SUPT3H: variants seen among roughly 807,000 people sequenced by gnomAD.
SUPT3H encodes SPT3 homolog, SAGA and STAGA complex component.
SUPT3H carries 44 observed loss-of-function variants against 44.3 expected under a neutral mutation model. That is an observed-to-expected ratio of 0.99 (90% CI 0.78 to 1.28). The LOEUF (loss-of-function observed/expected upper bound fraction) is 1.28, where lower values mean the gene tolerates loss of function less well. Ranked by LOEUF, SUPT3H falls within the 50% of genes most tolerant of loss-of-function variation. SUPT3H has a pLI of 0.00. For synonymous variants in SUPT3H, 124 were observed against 125.6 expected (o/e 0.99, Z 0.09); for missense variants, 380 against 387.1 (o/e 0.98, Z 0.15).
At chr6:45,026,815 C>A (rs1786080312) in intron 3 of SUPT3H, among the ~76,000 whole-genome samples, 1 of 152,038 alleles carries the variant, frequency 6.6e-6, no homozygotes, top group Non-Finnish European at 1.5e-5. Flanking sequence ...CATCTCTCCT[C>A]TTGACTTTAC....
chr6:45,265,527 T>G (rs895396760), intron 2 of SUPT3H, among the ~76,000 whole-genome samples: 1 of 152,108 alleles, frequency 6.6e-6, no homozygotes, highest in African/African-American at 2.4e-5. Flanking sequence ...AATCACAACC[T>G]TGAGCTAAGC....
At chr6:44,882,306 A>C (rs1778373111) in intron 10 of SUPT3H, among the ~76,000 whole-genome samples, 1 of 152,212 alleles carries the variant, frequency 6.6e-6, no homozygotes, top group Non-Finnish European at 1.5e-5. Flanking sequence ...AAATTGCTGG[A>C]CACATACACC....
chr6:45,204,710 T>A (rs575518934), intron 2 of SUPT3H, among the ~76,000 whole-genome samples: 19 of 152,268 alleles, frequency 1.2e-4, no homozygotes, highest in Middle Eastern at 3.4e-3. Flanking sequence ...TCAAATACAA[T>A]CCTTTCCTGG....
At chr6:44,960,920 CCT>C in intron 7 of SUPT3H, among the ~76,000 whole-genome samples, 1 of 152,102 alleles carries the variant, frequency 6.6e-6, no homozygotes, top group East Asian at 1.9e-4. Flanking sequence ...TGAAGCTCTC[CCT>C]TTCTTTTTCC....
At chr6:45,070,758 A>AAG (rs1794258247) in intron 3 of SUPT3H, among the ~76,000 whole-genome samples, 2 of 151,392 alleles carry the variant, frequency 1.3e-5, no homozygotes, top group South Asian at 4.2e-4. Context: ...AAAAAAAAAA[A>AAG]AGAAATGCTT....
intron 3 of SUPT3H, among the ~76,000 whole-genome samples, chr6:45,065,153 A>T (rs2153546316): frequency 6.6e-6 from 1 of 152,088 alleles, no homozygotes; most frequent in East Asian, 1.9e-4. Context: ...AGGATTAAGA[A>T]TCTCACTCAA....
Position 45,282,177 on chromosome 6 carries a change from G to C in SUPT3H, c.101+83024C>G, listed in dbSNP as rs1415710510. Among the ~76,000 whole-genome samples, 3 of 152,188 alleles carry C rather than the reference G, an allele frequency of 2.0e-5. No homozygotes were observed. The East Asian group carries it at 5.8e-4, about 29-fold the overall frequency. On this transcript the variant is annotated intron_variant, in intron 2 of 10. Coordinates refer to ENST00000371459, the MANE Select transcript of SUPT3H (RefSeq NM_003599.4). ...AAAACTGGAAATTCTAAAAATCAGAGCACCTCTCCTCCTCTAAAGGAACGC... is the reference window on the plus strand; with the variant it reads ...AAAACTGGAAATTCTAAAAATCAGACCACCTCTCCTCCTCTAAAGGAACGC...
At chr6:44,993,053 C>T (rs1188702946) in intron 6 of SUPT3H, among the ~76,000 whole-genome samples, 1 of 152,064 alleles carries the variant, frequency 6.6e-6, no homozygotes, top group Non-Finnish European at 1.5e-5. Context: ...GTCTCAACTA[C>T]TTGGGAGGCT....
chr6:45,177,229 C>G (rs1479999839), intron 2 of SUPT3H, among the ~76,000 whole-genome samples: 2 of 152,116 alleles, frequency 1.3e-5, no homozygotes, highest in East Asian at 3.9e-4. Context: ...CTTAAAGGAG[C>G]TGATGGAGCT....
intron 5 of SUPT3H, among the ~76,000 whole-genome samples, chr6:45,007,109 T>C (rs1782824198): frequency 6.6e-6 from 1 of 152,140 alleles, no homozygotes; most frequent in African/African-American, 2.4e-5. Context: ...CATGAATCGA[T>C]AAATATGATT....
chr6:45,300,597 G>A (rs1354055813), intron 2 of SUPT3H, among the ~76,000 whole-genome samples: 2 of 152,182 alleles, frequency 1.3e-5, no homozygotes, highest in African/African-American at 4.8e-5. Context: ...TTAGGGGCTG[G>A]AAGATAGGAA....
intron 3 of SUPT3H, among the ~76,000 whole-genome samples, chr6:45,077,273 G>A (rs1795114393): frequency 6.6e-6 from 1 of 152,022 alleles, no homozygotes; most frequent in Non-Finnish European, 1.5e-5. Flanking sequence ...CCTCTCTATT[G>A]AGATAGAAGG....
chr6:45,025,287 G>A (rs998912676), intron 3 of SUPT3H, among the ~76,000 whole-genome samples: 1 of 152,140 alleles, frequency 6.6e-6, no homozygotes, highest in Non-Finnish European at 1.5e-5. Flanking sequence ...AACGTAGATA[G>A]AAAACTTAAA....
chr6:44,825,410 A>G (rs145719450), downstream of SUPT3H, among the ~76,000 whole-genome samples: 20 of 152,306 alleles, frequency 1.3e-4, no homozygotes, highest in Non-Finnish European at 1.9e-4. Context: ...TCTCTTTAAT[A>G]TGGTCTCAGA....
chr6:45,059,654 T>C (rs1382761383), intron 3 of SUPT3H, among the ~76,000 whole-genome samples: 1 of 152,114 alleles, frequency 6.6e-6, no homozygotes, highest in Non-Finnish European at 1.5e-5. Context: ...ATTATCTTTG[T>C]TTGCAGATGA....
At chr6:45,108,497 T>G (rs1470743996) in intron 2 of SUPT3H, among the ~76,000 whole-genome samples, 2 of 152,184 alleles carry the variant, frequency 1.3e-5, no homozygotes, top group African/African-American at 4.8e-5. Flanking sequence ...TCTAGAGAAC[T>G]TTGACTAACA....
In SUPT3H at chr6:44,876,854, A is replaced by G. The variant is rs1316776037; in HGVS notation, c.913-46997T>C. Among the ~76,000 whole-genome samples the G allele has an allele frequency of 3.3e-5, 5 of 150,546 alleles. No individual in the cohort carries two copies. In the South Asian group the frequency reaches 6.3e-4, roughly 19 times the overall value. On this transcript the variant is annotated intron_variant, in intron 10 of 10. Coordinates refer to ENST00000371459, the MANE Select transcript of SUPT3H (RefSeq NM_003599.4). ...TTCAATTGAAAAAAAAAAAAAAGAA[A>G]AAGAAAAAAAAAGTGTATGACATTG...
intron 2 of SUPT3H, among the ~76,000 whole-genome samples, chr6:45,262,064 G>C (rs1373740551): frequency 1.3e-5 from 2 of 152,118 alleles, no homozygotes; most frequent in African/African-American, 4.8e-5. Context: ...ACTGCTGAAA[G>C]AAATCAGCGA....
chr6:45,245,624 T>C (rs1397134653), intron 2 of SUPT3H, among the ~76,000 whole-genome samples: 1 of 152,186 alleles, frequency 6.6e-6, no homozygotes, highest in Non-Finnish European at 1.5e-5. Flanking sequence ...TTTAATTCCT[T>C]TGTAAAACTA....
Sources: gnomAD v4.1 joint callset for allele counts (sites outside exome capture counted in the v4.1 genomes callset) on GRCh38, gnomAD v4.1.1 for gene constraint, MANE v1.5 for transcripts, NCBI Gene and HGNC (gene_info 2026-07-23, HGNC 2026-07-21) for gene names.